TSC22D2: variants seen among roughly 807,000 people sequenced by gnomAD.
TSC22D2 encodes the protein TSC22 domain family protein 2.
TSC22D2 carries 5 observed loss-of-function variants against 50.1 expected under a neutral mutation model. That is an observed-to-expected ratio of 0.10 (90% confidence interval 0.05 to 0.21). The LOEUF (loss-of-function observed/expected upper bound fraction) is 0.21. Ranked by LOEUF, TSC22D2 falls within the 10% of genes least tolerant of loss-of-function variation. TSC22D2 has a pLI of 1.00. For synonymous variants in TSC22D2, 501 were observed against 450.1 expected, an observed-to-expected ratio of 1.11 and a Z score of -1.43; for missense variants, 1,003 against 1,015.5, an observed-to-expected ratio of 0.99 and a Z score of 0.17.
intron 1 of TSC22D2, among the ~76,000 whole-genome samples, chr3:150,432,406 A>G (rs1720406496): frequency 6.6e-6 from 1 of 151,914 alleles, no homozygotes; most frequent in Non-Finnish European, 1.5e-5. Flanking sequence ...TCTCTTTATT[A>G]TTTATTTATT....
intron 1 of TSC22D2, among the ~76,000 whole-genome samples, chr3:150,424,150 T>C (rs1287529811): frequency 6.6e-6 from 1 of 152,212 alleles, no homozygotes; most frequent in East Asian, 1.9e-4. Flanking sequence ...GAAATCTTTT[T>C]AAATAGTTAC....
chr3:150,427,321 G>A (rs1469623461), intron 1 of TSC22D2, among the ~76,000 whole-genome samples: 1 of 151,974 alleles, frequency 6.6e-6, no homozygotes, highest in Non-Finnish European at 1.5e-5. Flanking sequence ...CCCCTTTCAT[G>A]TCCTCTTCAT....
At chr3:150,449,868 GTA>G (rs1213201532) in intron 1 of TSC22D2, among the ~76,000 whole-genome samples, 5 of 152,066 alleles carry the variant, frequency 3.3e-5, no homozygotes, top group African/African-American at 9.6e-5. Context: ...CAGATGTTGA[GTA>G]TTTTTTCATG....
At chr3:150,415,266 T>C (rs944954337) in intron 1 of TSC22D2, among the ~76,000 whole-genome samples, 2 of 152,216 alleles carry the variant, frequency 1.3e-5, no homozygotes, top group African/African-American at 4.8e-5. Context: ...ACATACTGTA[T>C]AAAATTTTAT....
chr3:150,410,978 G>A lies in TSC22D2; in HGVS notation c.1628G>A (p.Ser543Asn). Residue 543 changes from serine (S) to asparagine (N), a missense_variant, in exon 1 of 3, where the codon AGC (serine) becomes AAC (asparagine). Physicochemically the swap from Ser to Asn is conservative, Grantham distance 46. Transcript: ENST00000688009. ...CTGGCCCAGTCGCAACAGCTGAGCA[G>A]CCATACGCCAGTCAGCAGGAGCAGC... ...APLAQSQQLS[S>N]HTPVSRSSSI... is the part of the protein sequence containing the mutation. 1 of 1,614,212 alleles carries A rather than the reference G, an allele frequency of 6.2e-7. No individual in the cohort carries two copies. Among genetic ancestry groups the A allele is most frequent in the South Asian group, 1.1e-5 (1 of 91,086 alleles).
intron 1 of TSC22D2, among the ~76,000 whole-genome samples, chr3:150,436,323 G>A (rs576576276): frequency 4.6e-5 from 7 of 151,756 alleles, no homozygotes; most frequent in Admixed American, 1.3e-4. Context: ...AGCATTTACC[G>A]TAACAAGGCT....
chr3:150,460,446 A>G lies in TSC22D2; in HGVS notation c.*1810A>G, dbSNP rs1382982173. The G allele has an allele frequency of 6.6e-6, 1 of 152,182 alleles. No homozygotes were observed. Among genetic ancestry groups the G allele is most frequent in the Non-Finnish European group, 1.5e-5 (1 of 68,032 alleles). The allele number at this position is 152,182 out of a possible 1,614,324, so 9.4% of individuals were successfully genotyped here. A position where few individuals can be genotyped will look rare whatever the true frequency, so the allele number is the denominator to read the frequency against. ...GTTAGTTCTCCGTGTTAAAAGACTTATTTGAAGTAAAAATTTAATCAGATT... is the reference window on the plus strand; with the variant it reads ...GTTAGTTCTCCGTGTTAAAAGACTTGTTTGAAGTAAAAATTTAATCAGATT... On this transcript the variant is annotated 3_prime_UTR_variant, in exon 3 of 3. Coordinates refer to ENST00000688009, the MANE Select transcript of TSC22D2 (RefSeq NM_001303264.2).
chr3:150,425,429 T>G (rs1250530513), intron 1 of TSC22D2, among the ~76,000 whole-genome samples: 1 of 152,156 alleles, frequency 6.6e-6, no homozygotes, highest in African/African-American at 2.4e-5. Flanking sequence ...GGCAGGAGAA[T>G]TGCTTAAACC....
chr3:150,459,572 G>GTTTTTTTTTTTTTGTTTTTTTTTTTTTT lies in TSC22D2; in HGVS notation c.*951_*952insTTTTTTTTTTTTTTTTTTTTTTTTTTGT. The GTTTTTTTTTTTTTGTTTTTTTTTTTTTT allele has an allele frequency of 8.7e-6, 1 of 115,548 alleles. No homozygotes were observed. The highest frequency in any genetic ancestry group is 3.3e-5 in the African/African-American group (1 of 30,664). The allele number at this position is 115,548 out of a possible 1,614,324, so 7.2% of individuals were successfully genotyped here. A position where few individuals can be genotyped will look rare whatever the true frequency, so the allele number is the denominator to read the frequency against. On this transcript the variant is annotated 3_prime_UTR_variant, in exon 3 of 3. Coordinates refer to ENST00000688009, the MANE Select transcript of TSC22D2 (RefSeq NM_001303264.2). ...TAATGGAGTTTGGTTTTTTTTTGTT[G>GTTTTTTTTTTTTTGTTTTTTTTTTTTTT]TTTTTTTTTTTTTGTCTTTTTTTTT...
rs1282556845 is a variant in TSC22D2, at chr3:150,437,987, ACTTTACT to A, written c.1959-19081_1959-19075del. Among the ~76,000 whole-genome samples, 5 of 152,186 alleles carry A rather than the reference ACTTTACT, an allele frequency of 3.3e-5. No individual in the cohort carries two copies. In the East Asian group the frequency reaches 7.7e-4, roughly 23 times the overall value. On this transcript the variant is annotated intron_variant, in intron 1 of 2. Coordinates refer to ENST00000688009, the MANE Select transcript of TSC22D2 (RefSeq NM_001303264.2). ...TAAACCTTTAATTGGTTCCATTTCT[ACTTTACT>A]CTTTACTAACAAGTATCCTGATGGC...
chr3:150,432,782 A>G (rs1292952031), intron 1 of TSC22D2, among the ~76,000 whole-genome samples: 7 of 152,150 alleles, frequency 4.6e-5, no homozygotes, highest in Admixed American at 2.6e-4. Context: ...CAGTTGGGCA[A>G]CCTTTTGGGA....
At chr3:150,422,060 CTT>C (rs1413269003) in intron 1 of TSC22D2, among the ~76,000 whole-genome samples, 1 of 152,198 alleles carries the variant, frequency 6.6e-6, no homozygotes, top group Non-Finnish European at 1.5e-5. Context: ...GTGCCTACCT[CTT>C]AGGGCTGTTG....
In TSC22D2 at chr3:150,410,778, G is replaced by A; in HGVS notation, c.1428G>A (p.Gly476=). Residue 476 remains glycine (G), a synonymous_variant, in exon 1 of 3, where the codon GGG becomes GGA. Transcript: ENST00000688009. ...VQPCLGPAGA[G]QPQSVPPPQM... ...CGTGCCTCGGTCCTGCCGGGGCTGG[G>A]CAGCCCCAGTCCGTGCCTCCGCCGC... 1 of 1,611,736 alleles carries A rather than the reference G, an allele frequency of 6.2e-7. No homozygotes were observed. The highest frequency in any genetic ancestry group is 8.5e-7 in the Non-Finnish European group (1 of 1,179,340).
intron 1 of TSC22D2, among the ~76,000 whole-genome samples, chr3:150,439,446 A>G (rs1051459528): frequency 6.6e-6 from 1 of 152,230 alleles, no homozygotes; most frequent in African/African-American, 2.4e-5. Flanking sequence ...AAGGAAATAC[A>G]ACAAACTAAT....
intron 1 of TSC22D2, among the ~76,000 whole-genome samples, chr3:150,437,902 G>GA (rs1720597463): frequency 6.6e-6 from 1 of 152,004 alleles, no homozygotes; most frequent in African/African-American, 2.4e-5. Flanking sequence ...CTTTCTACAG[G>GA]ACTACAAAGC....
At chr3:150,421,634 C>G (rs1428866109) in intron 1 of TSC22D2, among the ~76,000 whole-genome samples, 1 of 151,828 alleles carries the variant, frequency 6.6e-6, no homozygotes, top group Non-Finnish European at 1.5e-5. Flanking sequence ...TATTAGTCTC[C>G]TAATTAATCA....
In TSC22D2 at chr3:150,460,324, A is replaced by C. The variant is rs2108110936; in HGVS notation, c.*1688A>C. 6.6e-6 allele frequency: 1 copy of C among 152,342 alleles called. No homozygotes were observed. The highest frequency in any genetic ancestry group is 2.4e-5 in the African/African-American group (1 of 41,578). 9.4% of individuals were successfully genotyped at this position (152,342 alleles called of 1,614,324 possible). On this transcript the variant is annotated 3_prime_UTR_variant, in exon 3 of 3. Transcript: ENST00000688009. ...ATACTTAAGTAGGAAATCCTTGTCT[A>C]CCAAAACTTTTACTTGAATTCAGAA... is the stretch of plus-strand genomic sequence containing the variant.
Position 150,464,178 on chromosome 3 carries a change from A to T in TSC22D2, c.*5542A>T, listed in dbSNP as rs1175471173. On this transcript the variant is annotated 3_prime_UTR_variant, in exon 3 of 3. Transcript: ENST00000688009. ...TATTTCCATATAACAACTGTAAAAT[A>T]CTCTTGCCTGCTGCAATCCAAATGT... 2 of 151,982 alleles carry T rather than the reference A, an allele frequency of 1.3e-5. No individual in the cohort carries two copies. Among genetic ancestry groups the T allele is most frequent in the African/African-American group, 4.8e-5 (2 of 41,350 alleles). 9.4% of individuals were successfully genotyped at this position (151,982 alleles called of 1,614,324 possible).
chr3:150,411,568 C>G (rs977002009), intron 1 of TSC22D2, among the ~76,000 whole-genome samples: 1 of 152,166 alleles, frequency 6.6e-6, no homozygotes, highest in African/African-American at 2.4e-5. Context: ...TGAATTTAAG[C>G]TTAATGCTTA....
Sources: allele counts gnomAD v4.1 joint callset (sites outside exome capture counted in the v4.1 genomes callset), GRCh38; gene constraint gnomAD v4.1.1; transcripts MANE v1.5; gene names NCBI Gene and HGNC (gene_info 2026-07-23, HGNC 2026-07-21).